Variants in DUOXA2 observed in about 807,000 individuals in gnomAD.
DUOXA2 encodes the protein dual oxidase maturation factor 2.
Under a neutral mutation model 27.6 loss-of-function variants are expected in DUOXA2, and 22 were observed. That is an observed-to-expected ratio of 0.80 (90% CI 0.57 to 1.14). The LOEUF (loss-of-function observed/expected upper bound fraction) is 1.14, where lower values mean the gene tolerates loss of function less well. Ranked by LOEUF, DUOXA2 falls within the 50% of genes most tolerant of loss-of-function variation. The probability of loss-of-function intolerance (pLI) is 0.00; values close to 1 mark genes in which losing one functional copy is unlikely to be tolerated. For missense variants in DUOXA2, 481 were observed against 419.9 expected (o/e 1.15, Z -1.27); for synonymous variants, 188 against 184.4 (o/e 1.02, Z -0.16).
chr15:45,116,797 G>C, intron 4 of DUOXA2, 68 bp downstream of exon 4: 1 of 1,564,578 alleles, frequency 6.4e-7, no homozygotes, highest in Non-Finnish European at 8.7e-7. Flanking sequence ...TGAGCGGGAG[G>C]ATGCAGGCCT....
chr15:45,118,061 TG>T lies in DUOXA2; in HGVS notation c.*156del, dbSNP rs756470767. On this transcript the variant is annotated 3_prime_UTR_variant, in exon 6 of 6. Transcript: ENST00000323030. The stretch of plus-strand genomic sequence containing the variant: ...TCCGCAGGCACCAGGGAAAGTCTCC[TG>T]GGGCGATCTGTAAATAAACCTTTTT... 4 of 1,554,974 alleles carry T rather than the reference TG, an allele frequency of 2.6e-6. No homozygotes were observed. Among genetic ancestry groups the T allele is most frequent in the South Asian group, 2.4e-5 (2 of 84,550 alleles).
Position 45,116,120 on chromosome 15 carries a change from A to G in DUOXA2, c.206-4A>G. ...CCACCCCCACCGTGTGCCTTTCCCT[A>G]CAGCTGTGCACTTCAGTGCAGAATG... On this transcript the variant is annotated splice_region_variant and splice_polypyrimidine_tract_variant and intron_variant, in intron 2 of 5. Transcript: ENST00000323030. 1 of 1,613,424 alleles carries G rather than the reference A, an allele frequency of 6.2e-7. No individual in the cohort carries two copies. The highest frequency in any genetic ancestry group is 8.5e-7 in the Non-Finnish European group (1 of 1,179,904).
At position 45,117,078 on chromosome 15, in the gene DUOXA2, C is replaced by A; in HGVS notation, c.555-13C>A. The A allele has an allele frequency of 1.9e-6, 3 of 1,597,638 alleles. No individual in the cohort carries two copies. Among genetic ancestry groups the A allele is most frequent in the African/African-American group, 2.7e-5 (2 of 75,024 alleles). On this transcript the variant is annotated splice_polypyrimidine_tract_variant and intron_variant, in intron 4 of 5. Coordinates refer to ENST00000323030, the MANE Select transcript of DUOXA2 (RefSeq NM_207581.4). ...GAAGCCCGCTCACAGCGGGTCCCCC[C>A]ACTCCCCGGCAGGGTGGCGTTCTGC...
At chr15:45,116,997 G>A in intron 4 of DUOXA2, 94 bp from the exon 5 acceptor site, 1 of 1,429,532 alleles carries the variant, frequency 7.0e-7, no homozygotes, top group Non-Finnish European at 9.5e-7. Context: ...CCCTGGCTTT[G>A]ACGCTGGGGT....
At chr15:45,117,041 G>A (rs747490667) in intron 4 of DUOXA2, 50 bp from the exon 5 acceptor site, 3 of 1,577,922 alleles carry the variant, frequency 1.9e-6, no homozygotes, top group East Asian at 2.3e-5. Flanking sequence ...TGGGAACCCC[G>A]GTGGGCTGGG....
At position 45,116,269 on chromosome 15, in the gene DUOXA2, TG is replaced by T; in HGVS notation, c.340+15del. ...ATATTACACTCACAGGTGAGGGGGCTGGGGCTAAATGAACTCCTGGAGCTGG... is the reference window on the plus strand; with the variant it reads ...ATATTACACTCACAGGTGAGGGGGCTGGGCTAAATGAACTCCTGGAGCTGG... On this transcript the variant is annotated intron_variant, in intron 3 of 5. Coordinates refer to ENST00000323030, the MANE Select transcript of DUOXA2 (RefSeq NM_207581.4). 2.5e-6 allele frequency: 4 copies of T among 1,613,174 alleles called. No individual in the cohort carries two copies. Among genetic ancestry groups the T allele is most frequent in the Non-Finnish European group, 3.4e-6 (4 of 1,179,382 alleles).
At position 45,114,457 on chromosome 15, in the gene DUOXA2, G is replaced by A. The variant is rs540578966; in HGVS notation, c.-149G>A. ...CAGCCCACCTCCACGCTTCCTTAAC[G>A]GAGAGGTGCAGGACTCAGACTTCAC... On this transcript the variant is annotated 5_prime_UTR_variant, in exon 1 of 6. Coordinates refer to ENST00000323030, the MANE Select transcript of DUOXA2 (RefSeq NM_207581.4). The A allele has an allele frequency of 1.9e-6, 2 of 1,045,774 alleles. No individual in the cohort carries two copies. Among genetic ancestry groups the A allele is most frequent in the South Asian group, 2.8e-5 (2 of 70,664 alleles). 64.8% of individuals were successfully genotyped at this position (1,045,774 alleles called of 1,614,324 possible).
chr15:45,117,194 G>C lies in DUOXA2; in HGVS notation c.658G>C (p.Gly220Arg), dbSNP rs770094616. Residue 220 changes from glycine (G) to arginine (R), a missense_variant, in exon 5 of 6, where the codon GGG becomes CGG. Transcript: ENST00000323030. ...GACCACCGGAGCCTTCGCGCTCTTC[G>C]GGGTCTTCGCCTTGGCCTCCATCTC... ...LLTTGAFALF[G>R]VFALASISSV... The C allele has an allele frequency of 3.1e-6, 5 of 1,607,634 alleles. No individual in the cohort carries two copies. Among genetic ancestry groups the C allele is most frequent in the Admixed American group, 3.3e-5 (2 of 59,946 alleles).
chr15:45,116,862 G>A, intron 4 of DUOXA2, 133 bp downstream of exon 4: 1 of 1,106,284 alleles, frequency 9.0e-7, no homozygotes, highest in Non-Finnish European at 1.3e-6. Flanking sequence ...GGGCATGACA[G>A]CCTCGCGGGT....
chr15:45,118,141 G>A lies in DUOXA2; in HGVS notation c.*232G>A, dbSNP rs1427689503. The A allele has an allele frequency of 5.6e-6, 8 of 1,439,122 alleles. No individual in the cohort carries two copies. Among genetic ancestry groups the A allele is most frequent in the African/African-American group, 1.4e-5 (1 of 69,746 alleles). 89.1% of individuals were successfully genotyped at this position (1,439,122 alleles called of 1,614,324 possible). A position where few individuals can be genotyped will look rare whatever the true frequency, so the allele number is the denominator to read the frequency against. The stretch of plus-strand genomic sequence containing the variant: ...CCATTAATTTTCATGGCTTCTCCGC[G>A]CCGGGGTCGCACGTCCTCATGAGCT... On this transcript the variant is annotated 3_prime_UTR_variant, in exon 6 of 6. Transcript: ENST00000323030.
Position 45,114,477 on chromosome 15 carries a change from C to T in DUOXA2, c.-129C>T, listed in dbSNP as rs535889082. 16 of 1,328,466 alleles carry T rather than the reference C, an allele frequency of 1.2e-5. No homozygotes were observed. The highest frequency in any genetic ancestry group is 1.7e-5 in the Non-Finnish European group (16 of 959,182). 82.3% of individuals were successfully genotyped at this position (1,328,466 alleles called of 1,614,324 possible). On this transcript the variant is annotated 5_prime_UTR_variant, in exon 1 of 6. Transcript: ENST00000323030. ...TTAACGGAGAGGTGCAGGACTCAGA[C>T]TTCACCAGCCCACTCGGTCCCAGCC...
chr15:45,116,399 C>T (rs974390536), intron 3 of DUOXA2, 117 bp from the exon 4 acceptor site: 1 of 1,553,552 alleles, frequency 6.4e-7, no homozygotes, highest in Non-Finnish European at 8.8e-7. Flanking sequence ...TTTCTCCAAC[C>T]ACCACCGAAC....
Position 45,118,363 on chromosome 15 carries a change from C to A in DUOXA2, c.*454C>A. 8.8e-7 allele frequency: 1 copy of A among 1,141,098 alleles called. No individual in the cohort carries two copies. The highest frequency in any genetic ancestry group is 4.8e-5 in the East Asian group (1 of 20,794). 70.7% of individuals were successfully genotyped at this position (1,141,098 alleles called of 1,614,324 possible). A position where few individuals can be genotyped will look rare whatever the true frequency, so the allele number is the denominator to read the frequency against. ...GTCACCCACTCCCCCGTCCTGGATG[C>A]CACTCAGCTAGCCCAGCTGAGTGGG... On this transcript the variant is annotated 3_prime_UTR_variant, in exon 6 of 6. Transcript: ENST00000323030.
In DUOXA2 at chr15:45,117,644, G is replaced by A. The variant is rs146544840; in HGVS notation, c.770-72G>A. Reference sequence around the variant, plus strand: ...GGCAGGAAGGTCGTTTGAGGCCAGAGTTCGAGACCAGCCTGGGCAACATAG... The same window carrying A: ...GGCAGGAAGGTCGTTTGAGGCCAGAATTCGAGACCAGCCTGGGCAACATAG... On this transcript the variant is annotated intron_variant, in intron 5 of 5. Transcript: ENST00000323030. 4.6e-5 allele frequency: 75 copies of A among 1,613,678 alleles called. No homozygotes were observed. In the East Asian group the frequency reaches 9.1e-4, roughly 20 times the overall value.
Position 45,114,611 on chromosome 15 carries a change from C to G in DUOXA2, c.6C>G (p.Thr2=), listed in dbSNP as rs772699717. Residue 2 remains threonine, a synonymous_variant, in exon 1 of 6, where the codon ACC becomes ACG. Coordinates refer to ENST00000323030, the MANE Select transcript of DUOXA2 (RefSeq NM_207581.4). M[T]LWNGVLPFYP... ...GCACTCGGCCGGCGTGCAGCATGACCCTGTGGAACGGCGTACTGCCTTTTT... is the reference window on the plus strand; with the variant it reads ...GCACTCGGCCGGCGTGCAGCATGACGCTGTGGAACGGCGTACTGCCTTTTT... 28 of 1,613,918 alleles carry G rather than the reference C, an allele frequency of 1.7e-5. No individual in the cohort carries two copies. Among genetic ancestry groups the G allele is most frequent in the Non-Finnish European group, 2.2e-5 (26 of 1,180,008 alleles).
rs767472158 is a variant in DUOXA2, at chr15:45,117,993, T to A, written c.*84T>A. 6.2e-7 allele frequency: 1 copy of A among 1,611,876 alleles called. No homozygotes were observed. The highest frequency in any genetic ancestry group is 8.5e-7 in the Non-Finnish European group (1 of 1,179,056). ...CCCGCCAGGCCTGGGCCAGGAGAGCTCCAGGAAGGGCACTGAGCGCTGCTG... is the reference window on the plus strand; with the variant it reads ...CCCGCCAGGCCTGGGCCAGGAGAGCACCAGGAAGGGCACTGAGCGCTGCTG... On this transcript the variant is annotated 3_prime_UTR_variant, in exon 6 of 6. Coordinates refer to ENST00000323030, the MANE Select transcript of DUOXA2 (RefSeq NM_207581.4).
intron 1 of DUOXA2, chr15:45,115,417 T>A (rs1480535302): frequency 2.0e-6 from 1 of 487,988 alleles, no homozygotes; most frequent in Admixed American, 2.3e-5. Flanking sequence ...GGGGCCTCCC[T>A]CTTCTGAGGG....
chr15:45,114,454 A>T lies in DUOXA2; in HGVS notation c.-152A>T. The T allele has an allele frequency of 9.8e-7, 1 of 1,019,086 alleles. No homozygotes were observed. The highest frequency in any genetic ancestry group is 1.5e-6 in the Non-Finnish European group (1 of 688,128). 63.1% of individuals were successfully genotyped at this position (1,019,086 alleles called of 1,614,324 possible). A position where few individuals can be genotyped will look rare whatever the true frequency, so the allele number is the denominator to read the frequency against. On this transcript the variant is annotated 5_prime_UTR_variant, in exon 1 of 6. Transcript: ENST00000323030. ...GAGCAGCCCACCTCCACGCTTCCTT[A>T]ACGGAGAGGTGCAGGACTCAGACTT...
rs759192603 is a variant in DUOXA2, at chr15:45,115,804, GT to G, written c.157del (p.Trp53GlyfsTer3). 6.2e-7 allele frequency: 1 copy of G among 1,614,132 alleles called. No individual in the cohort carries two copies. Among genetic ancestry groups the G allele is most frequent in the Non-Finnish European group, 8.5e-7 (1 of 1,180,016 alleles). On this transcript the variant is annotated frameshift_variant, in exon 2 of 6. Transcript: ENST00000323030. LOFTEE classifies it high-confidence loss of function. ...LPGIRGHSRW[F>X]WLVRVLLSLF... is the part of the protein sequence containing the mutation. ...CCGGGTGCCTATTCCTGCAGCGCTG[GT>G]TTTGGTTGGTGAGAGTTCTTCTCAG...
Sources: allele counts gnomAD v4.1 joint callset, GRCh38; gene constraint gnomAD v4.1.1; transcripts MANE v1.5; gene names NCBI Gene and HGNC (gene_info 2026-07-23, HGNC 2026-07-21).